OTOF: variants seen among roughly 807,000 people sequenced by gnomAD.
OTOF encodes otoferlin.
Under a neutral mutation model 236.8 loss-of-function variants are expected in OTOF, and 218 were observed. The observed-to-expected ratio is 0.92, with a 90% confidence interval of 0.82 to 1.03. The LOEUF (loss-of-function observed/expected upper bound fraction) is 1.03. Among genes scored for constraint, OTOF ranks in the 50% least tolerant of loss-of-function variants. OTOF has a pLI of 0.00. For missense variants in OTOF, 2,590 were observed against 2,694.4 expected (o/e 0.96, Z 0.86); for synonymous variants, 1,041 against 1,072.5 (o/e 0.97, Z 0.57).
chr2:26,471,155 A>G lies in OTOF; in HGVS notation c.3865-5T>C, dbSNP rs766662116. ...CTTGACAACAGCTTCAGAAGTCTGCAGAGGAACCAAGGAGACAGGGGCAGA... is the reference window on the plus strand; with the variant it reads ...CTTGACAACAGCTTCAGAAGTCTGCGGAGGAACCAAGGAGACAGGGGCAGA... On this transcript the variant is annotated splice_region_variant and splice_polypyrimidine_tract_variant and intron_variant, in intron 30 of 46. Coordinates refer to ENST00000272371, the MANE Select transcript of OTOF (RefSeq NM_194248.3). 1.9e-6 allele frequency: 3 copies of G among 1,614,070 alleles called. No homozygotes were observed. Among genetic ancestry groups the G allele is most frequent in the Non-Finnish European group, 2.5e-6 (3 of 1,179,974 alleles).
chr2:26,548,804 T>C (rs1250313943), intron 1 of OTOF, among the ~76,000 whole-genome samples: 3 of 152,238 alleles, frequency 2.0e-5, no homozygotes, highest in East Asian at 1.9e-4. Context: ...TCTAGCTTTG[T>C]GTAAGTACAC....
chr2:26,521,925 G>A (rs1048595401), intron 3 of OTOF, among the ~76,000 whole-genome samples: 1 of 152,200 alleles, frequency 6.6e-6, no homozygotes, highest in Non-Finnish European at 1.5e-5. Flanking sequence ...ACCGGCACTC[G>A]GATGCCAGCC....
At chr2:26,515,948 C>A (rs193186904) in intron 5 of OTOF, among the ~76,000 whole-genome samples, 1 of 152,322 alleles carries the variant, frequency 6.6e-6, no homozygotes, top group Non-Finnish European at 1.5e-5. Flanking sequence ...GGAAGAAAGG[C>A]CAGGGCCCAG....
intron 2 of OTOF, among the ~76,000 whole-genome samples, chr2:26,530,629 C>T (rs1429275205): frequency 1.3e-5 from 2 of 152,072 alleles, no homozygotes; most frequent in African/African-American, 4.8e-5. Context: ...ACGAGGCTTT[C>T]CCCTCATTTC....
chr2:26,494,781 C>T (rs1665938100), intron 9 of OTOF, among the ~76,000 whole-genome samples, 161 bp downstream of exon 9: 1 of 152,114 alleles, frequency 6.6e-6, no homozygotes, highest in Non-Finnish European at 1.5e-5. Flanking sequence ...GAAGATGTGG[C>T]TCTGTTTGTC....
intron 3 of OTOF, among the ~76,000 whole-genome samples, chr2:26,519,512 T>C (rs538733927): frequency 1.3e-5 from 2 of 152,312 alleles, no homozygotes; most frequent in South Asian, 4.1e-4. Flanking sequence ...CGCCTAACCA[T>C]GACCAAGGTT....
At position 26,462,260 on chromosome 2, in the gene OTOF, C is replaced by T. The variant is rs1664503393; in HGVS notation, c.5193-79G>A. 7 of 1,222,136 alleles carry T rather than the reference C, an allele frequency of 5.7e-6. No homozygotes were observed. The highest frequency in any genetic ancestry group is 1.7e-5 in the Admixed American group (1 of 59,500). 75.7% of individuals were successfully genotyped at this position (1,222,136 alleles called of 1,614,324 possible). On this transcript the variant is annotated intron_variant, in intron 41 of 46. Transcript: ENST00000272371. This position sits in a 1 kb window ranked among gnomAD's most constrained non-coding sequence, Gnocchi z 4.7. ...GGTGCCAGGGCTGGGATGGGGCAGG[C>T]GGAGAGAAGCCCTGGGGTCTTGGGG...
chr2:26,524,458 G>A (rs572289578), intron 3 of OTOF, among the ~76,000 whole-genome samples: 19 of 152,332 alleles, frequency 1.2e-4, no homozygotes, highest in African/African-American at 3.8e-4. Context: ...GCAATGAGCC[G>A]AGACTAGGCC....
At chr2:26,551,592 T>C (rs1319731608) in intron 1 of OTOF, among the ~76,000 whole-genome samples, 4 of 152,204 alleles carry the variant, frequency 2.6e-5, no homozygotes, top group Non-Finnish European at 4.4e-5. Context: ...ATGGGTGCAG[T>C]GGTCATCTTC....
chr2:26,465,080 C>A, intron 38 of OTOF, 51 bp from the exon 39 acceptor site: 1 of 1,401,690 alleles, frequency 7.1e-7, no homozygotes, highest in South Asian at 1.8e-5. Context: ...ACTAAGCCAT[C>A]CTGGATGACA....
intron 39 of OTOF, 151 bp downstream of exon 39, chr2:26,464,718 C>A (rs1466848383): frequency 2.8e-6 from 2 of 705,582 alleles, no homozygotes; most frequent in Admixed American, 2.9e-5. Flanking sequence ...GAACGGGGCT[C>A]TGGGGTGATG....
intron 4 of OTOF, 106 bp from the exon 5 acceptor site, chr2:26,516,705 C>G: frequency 8.3e-7 from 1 of 1,204,946 alleles, no homozygotes; most frequent in South Asian, 1.2e-5. Flanking sequence ...ACACCCTTGC[C>G]TCACTGGAGG....
chr2:26,537,514 A>G (rs1414327831), intron 2 of OTOF, among the ~76,000 whole-genome samples: 1 of 152,116 alleles, frequency 6.6e-6, no homozygotes, highest in African/African-American at 2.4e-5. Flanking sequence ...ACCTGTGCAG[A>G]GGTTTCTGGG....
intron 1 of OTOF, among the ~76,000 whole-genome samples, chr2:26,553,559 T>A (rs1021938774): frequency 6.6e-6 from 1 of 152,166 alleles, no homozygotes; most frequent in Admixed American, 6.5e-5. Context: ...TTCTCCTCTG[T>A]CAGATGGTGA....
In OTOF at chr2:26,480,232, T is replaced by C. The variant is rs780128461; in HGVS notation, c.1883A>G (p.Asp628Gly). ...EASMIDRRNG[D>G]KPITFEVTIG... ...GGTGACCTCAAAGGTGATGGGCTTG[T>C]CTCCGTTTCTCCGGTCGATCATTGA... Residue 628 changes from aspartate to glycine, a missense_variant, in exon 16 of 47, where the codon GAC becomes GGC. Asp to Gly is a moderately conservative substitution (Grantham distance 94). Around this residue, in one of 2 missense-constraint regions of OTOF, gnomAD observed 1,379 missense variants for 1,341.6 expected, o/e 1.03. Transcript: ENST00000272371. 2 of 1,612,510 alleles carry C rather than the reference T, an allele frequency of 1.2e-6. No homozygotes were observed. The highest frequency in any genetic ancestry group is 2.2e-5 in the East Asian group (1 of 44,894).
chr2:26,526,859 C>T (rs1666818423), intron 3 of OTOF, among the ~76,000 whole-genome samples: 1 of 152,098 alleles, frequency 6.6e-6, no homozygotes, highest in Admixed American at 6.5e-5. Flanking sequence ...ATAAGAGCAA[C>T]CGATTTTTTT....
chr2:26,476,916 G>C lies in OTOF; in HGVS notation c.2651C>G (p.Ala884Gly). 1 of 1,610,532 alleles carries C rather than the reference G, an allele frequency of 6.2e-7. No individual in the cohort carries two copies. Among genetic ancestry groups the C allele is most frequent in the Non-Finnish European group, 8.5e-7 (1 of 1,179,546 alleles). ...IVEEETGKDCAKVKTLFLKLP... is the reference protein window; with the variant it reads ...IVEEETGKDCGKVKTLFLKLP... Reference sequence around the variant, plus strand: ...CTTAAGGAAGAGCGTCTTGACCTTGGCGCAGTCCTTGCCAGTCTCCTCCTC... The same window carrying C: ...CTTAAGGAAGAGCGTCTTGACCTTGCCGCAGTCCTTGCCAGTCTCCTCCTC... The change falls in exon 22 of 47, where the codon GCC becomes GGC. Residue 884 changes from alanine to glycine, a missense_variant. Physicochemically the swap from Ala to Gly is moderately conservative, Grantham distance 60. Coordinates refer to ENST00000272371, the MANE Select transcript of OTOF (RefSeq NM_194248.3).
In OTOF at chr2:26,480,840, A is replaced by G; in HGVS notation, c.1749T>C (p.Pro583=). ...GCACCTCTGTGGAGCTGGTGAGCTC[A>G]GGGTTGGAGGTGTCTACGATCTCCA... The part of the protein sequence containing the change: ...LAVEIVDTSN[P]ELTSSTEVQV... The change falls in exon 15 of 47, where the codon CCT becomes CCC. Residue 583 remains proline, a synonymous_variant. Coordinates refer to ENST00000272371, the MANE Select transcript of OTOF (RefSeq NM_194248.3). The G allele has an allele frequency of 6.2e-7, 1 of 1,612,680 alleles. No individual in the cohort carries two copies. Among genetic ancestry groups the G allele is most frequent in the Non-Finnish European group, 8.5e-7 (1 of 1,179,914 alleles).
At chr2:26,495,374 C>T (rs1665957700) in intron 8 of OTOF, among the ~76,000 whole-genome samples, 1 of 152,186 alleles carries the variant, frequency 6.6e-6, no homozygotes, top group Admixed American at 6.5e-5. Context: ...ACACTGATGC[C>T]CAGGCCACCT....
Sources: allele counts gnomAD v4.1 joint callset (sites outside exome capture counted in the v4.1 genomes callset), GRCh38; gene constraint gnomAD v4.1.1; regional missense constraint gnomAD v4.1.1; non-coding constraint Gnocchi (gnomAD v3.1); transcripts MANE v1.5; gene names NCBI Gene and HGNC (gene_info 2026-07-23, HGNC 2026-07-21).